Variants in FSTL5 observed in about 807,000 individuals in gnomAD.
FSTL5 encodes follistatin-related protein 5.
FSTL5 carries 62 observed loss-of-function variants against 89.1 expected under a neutral mutation model. The ratio of observed to expected loss-of-function variants is 0.70; its 90% CI spans 0.57 to 0.86. FSTL5 has a LOEUF of 0.86. Among genes scored for constraint, FSTL5 ranks in the 40% least tolerant of loss-of-function variants. FSTL5 has a pLI of 0.00. For synonymous variants in FSTL5, 383 were observed against 346.2 expected, an observed-to-expected ratio of 1.11 and a Z score of -1.18; for missense variants, 1,057 against 1,001.6, an observed-to-expected ratio of 1.06 and a Z score of -0.75.
intron 4 of FSTL5, among the ~76,000 whole-genome samples, chr4:161,812,013 T>C (rs1022788054): frequency 1.3e-5 from 2 of 152,046 alleles, no homozygotes; most frequent in Non-Finnish European, 2.9e-5. Flanking sequence ...GGCTGGGAAA[T>C]ATGTGAATAT....
intron 6 of FSTL5, among the ~76,000 whole-genome samples, chr4:161,724,384 C>T (rs1739322370): frequency 6.6e-6 from 1 of 151,982 alleles, no homozygotes; most frequent in South Asian, 2.1e-4. Context: ...GCATCATGTT[C>T]TAGTCAAAAT....
At chr4:162,041,264 G>T (rs1385251466) in intron 2 of FSTL5, among the ~76,000 whole-genome samples, 2 of 148,472 alleles carry the variant, frequency 1.3e-5, no homozygotes, top group African/African-American at 4.9e-5. Flanking sequence ...AGCACATTCT[G>T]TCTAGAGGAC....
intron 3 of FSTL5, among the ~76,000 whole-genome samples, chr4:161,927,650 A>T (rs1412389748): frequency 6.6e-6 from 1 of 151,706 alleles, no homozygotes; most frequent in East Asian, 1.9e-4. Context: ...TTCCTTTATT[A>T]GAGTAAAATT....
Position 161,656,476 on chromosome 4 carries a change from A to G in FSTL5, c.746T>C (p.Leu249Pro). 6.3e-7 allele frequency: 1 copy of G among 1,593,010 alleles called. No homozygotes were observed. Among genetic ancestry groups the G allele is most frequent in the Non-Finnish European group, 8.5e-7 (1 of 1,170,762 alleles). ...GATGCTTAGTTTCTGATCTTCTGGC[A>G]GACTCAACTGGATCACTTCTGTAAA... is the stretch of plus-strand genomic sequence containing the variant. Reference protein sequence around the residue: ...YRAFQVIQLSLPEDQKLSITA... With the variant: ...YRAFQVIQLSPPEDQKLSITA... The change falls in exon 7 of 16, where the codon CTG becomes CCG. Residue 249 changes from leucine to proline, a missense_variant. Around this residue, in one of 3 missense-constraint regions of FSTL5, gnomAD observed 980 missense variants for 903.2 expected, o/e 1.08. Coordinates refer to ENST00000306100, the MANE Select transcript of FSTL5 (RefSeq NM_020116.5).
At chr4:161,481,674 T>C (rs948987178) in intron 12 of FSTL5, among the ~76,000 whole-genome samples, 49 of 152,170 alleles carry the variant, frequency 3.2e-4, no homozygotes, top group African/African-American at 1.1e-3. Flanking sequence ...TATAATAAGA[T>C]AGTTATTCAC....
chr4:162,006,732 T>C (rs2111120051), intron 3 of FSTL5, among the ~76,000 whole-genome samples: 1 of 152,056 alleles, frequency 6.6e-6, no homozygotes, highest in South Asian at 2.1e-4. Flanking sequence ...AAGTAGTATT[T>C]CCTGCTTTGA....
chr4:161,655,022 A>G (rs1362962572), intron 7 of FSTL5, among the ~76,000 whole-genome samples: 1 of 152,160 alleles, frequency 6.6e-6, no homozygotes, highest in Non-Finnish European at 1.5e-5. Flanking sequence ...GAGCCTGAGT[A>G]GAAAAACATG....
rs189907832 is a variant in FSTL5 at position 161,910,731 on chromosome 4, C to G, written c.409+9673G>C. On this transcript the variant is annotated intron_variant, in intron 4 of 15. Coordinates refer to ENST00000306100, the MANE Select transcript of FSTL5 (RefSeq NM_020116.5). ...CACAAAAAGGCCCAAATTGACCTTC[C>G]CTCTCCCAGCTTGCTTCTTCATACT... Among the ~76,000 whole-genome samples the G allele has an allele frequency of 1.7e-3, 265 of 152,154 alleles. 4 individuals carry two copies. The South Asian group carries it at 0.05, about 29-fold the overall frequency.
chr4:161,581,351 C>G (rs750713116), intron 8 of FSTL5, among the ~76,000 whole-genome samples: 3 of 152,200 alleles, frequency 2.0e-5, no homozygotes, highest in Non-Finnish European at 2.9e-5. Flanking sequence ...CTCACTCTCT[C>G]ATTTATTAAC....
At chr4:161,809,446 T>C (rs945474886) in intron 4 of FSTL5, among the ~76,000 whole-genome samples, 11 of 152,172 alleles carry the variant, frequency 7.2e-5, no homozygotes, top group Non-Finnish European at 1.0e-4. Flanking sequence ...AAATTAAAAA[T>C]AGAACTACCA....
At chr4:161,680,862 C>A (rs1342652444) in intron 6 of FSTL5, among the ~76,000 whole-genome samples, 1 of 152,114 alleles carries the variant, frequency 6.6e-6, no homozygotes, top group South Asian at 2.1e-4. Flanking sequence ...CATTAAAAGA[C>A]TGAAACTAGC....
chr4:162,065,443 T>A (rs1578998765), intron 2 of FSTL5, among the ~76,000 whole-genome samples: 1 of 151,874 alleles, frequency 6.6e-6, no homozygotes. Context: ...AGCCAATAGA[T>A]ATATGAAAAG....
chr4:161,618,133 T>C (rs1473265799), intron 7 of FSTL5, among the ~76,000 whole-genome samples: 2 of 147,292 alleles, frequency 1.4e-5, no homozygotes, highest in African/African-American at 5.1e-5. Flanking sequence ...TTGTCTGTTA[T>C]TGGTGTATAA....
intron 4 of FSTL5, among the ~76,000 whole-genome samples, chr4:161,781,820 T>C (rs1741680502): frequency 6.6e-6 from 1 of 152,190 alleles, no homozygotes; most frequent in Admixed American, 6.5e-5. Flanking sequence ...GACAATTGTA[T>C]AATGACATTT....
chr4:161,558,182 C>A (rs568247104), intron 8 of FSTL5, among the ~76,000 whole-genome samples: 3 of 151,800 alleles, frequency 2.0e-5, no homozygotes, highest in Non-Finnish European at 4.4e-5. Context: ...ATATAATATT[C>A]TTGAAATAAT....
chr4:161,445,697 C>A (rs1488364521), intron 15 of FSTL5, among the ~76,000 whole-genome samples: 1 of 152,048 alleles, frequency 6.6e-6, no homozygotes, highest in Middle Eastern at 3.4e-3. Context: ...TGACAGATGA[C>A]AATTTAGATA....
At chr4:161,746,654 C>G (rs1206583468) in intron 6 of FSTL5, among the ~76,000 whole-genome samples, 1 of 152,188 alleles carries the variant, frequency 6.6e-6, no homozygotes, top group African/African-American at 2.4e-5. Context: ...CTTTCTGCTT[C>G]TCATCTTATT....
intron 7 of FSTL5, among the ~76,000 whole-genome samples, chr4:161,654,758 T>C (rs1312146718): frequency 1.3e-5 from 2 of 151,980 alleles, no homozygotes; most frequent in East Asian, 1.9e-4. Flanking sequence ...TGAATGAGGA[T>C]AAAAAATATG....
intron 6 of FSTL5, among the ~76,000 whole-genome samples, chr4:161,749,326 A>G (rs1740314719): frequency 6.6e-6 from 1 of 152,200 alleles, no homozygotes; most frequent in Non-Finnish European, 1.5e-5. Context: ...TGGTACATAT[A>G]TACCGTGAAA....
Sources: allele counts gnomAD v4.1 joint callset (sites outside exome capture counted in the v4.1 genomes callset), GRCh38; gene constraint gnomAD v4.1.1; regional missense constraint gnomAD v4.1.1; transcripts MANE v1.5; gene names NCBI Gene and HGNC (gene_info 2026-07-23, HGNC 2026-07-21).